The following LRGUK variants were observed in gnomAD, a reference collection of about 807,000 sequenced individuals.
LRGUK encodes the protein leucine-rich repeat and guanylate kinase domain-containing protein.
Under a neutral mutation model 76.0 loss-of-function variants are expected in LRGUK, and 65 were observed. The observed-to-expected ratio is 0.85, with a 90% CI of 0.70 to 1.05. The LOEUF (loss-of-function observed/expected upper bound fraction) is 1.05. Among genes scored for constraint, LRGUK ranks in the 50% least tolerant of loss-of-function variants. LRGUK has a pLI of 0.00. For synonymous variants in LRGUK, 268 were observed against 265.6 expected (o/e 1.01, Z -0.09); for missense variants, 758 against 732.8 (o/e 1.03, Z -0.40).
At chr7:134,135,197 T>G (rs56745331) in intron 1 of LRGUK, among the ~76,000 whole-genome samples, 1,577 of 152,224 alleles carry the variant, frequency 0.01, 30 homozygotes, top group African/African-American at 0.036. Flanking sequence ...GCAGGCCACT[T>G]AGGGGAAAGT....
intron 11 of LRGUK, among the ~76,000 whole-genome samples, chr7:134,189,200 A>T (rs1800097094): frequency 6.6e-6 from 1 of 152,212 alleles, no homozygotes. Flanking sequence ...TCCCATTACA[A>T]ACCATAATTT....
In LRGUK at chr7:134,249,871, T is replaced by G. The variant is rs150147474; in HGVS notation, c.2198+795T>G. On this transcript the variant is annotated intron_variant, in intron 18 of 19. Coordinates refer to the LRGUK transcript ENST00000285928. Reference sequence around the variant, plus strand: ...TCTCGCTGTAGGTCTTGAAAACAAATTTACACAAAGATCTGGCTGGTTGGG... The same window carrying G: ...TCTCGCTGTAGGTCTTGAAAACAAAGTTACACAAAGATCTGGCTGGTTGGG... Among the ~76,000 whole-genome samples, 186 of 152,280 alleles carry G rather than the reference T, an allele frequency of 1.2e-3. 1 individual carries two copies. Among genetic ancestry groups the G allele is most frequent in the African/African-American group, 4.3e-3 (179 of 41,558 alleles).
At chr7:134,198,162 G>A (rs1800592998) in intron 13 of LRGUK, among the ~76,000 whole-genome samples, 1 of 152,126 alleles carries the variant, frequency 6.6e-6, no homozygotes, top group South Asian at 2.1e-4. Flanking sequence ...ACTTCTCAGT[G>A]ATTAATTGGT....
Position 134,222,021 on chromosome 7 carries a change from T to C in LRGUK, c.1983+103T>C, listed in dbSNP as rs538643234. 3.4e-5 allele frequency: 39 copies of C among 1,133,888 alleles called. No homozygotes were observed. The East Asian group carries it at 1.2e-3, about 35-fold the overall frequency. 70.2% of individuals were successfully genotyped at this position (1,133,888 alleles called of 1,614,324 possible). ...AGACTAATAAGTTTCCCCAAAATTA[T>C]TCTCTCACTAGTGTCAGCTGAAGAC... is the stretch of plus-strand genomic sequence containing the variant. On this transcript the variant is annotated intron_variant, in intron 16 of 19. Coordinates refer to the LRGUK transcript ENST00000285928.
Position 134,163,295 on chromosome 7 carries a change from T to G in LRGUK, c.796-102T>G, listed in dbSNP as rs909428343. The G allele has an allele frequency of 4.7e-6, 5 of 1,069,776 alleles. No individual in the cohort carries two copies. The African/African-American group carries it at 6.2e-5, about 13-fold the overall frequency. The allele number at this position is 1,069,776 out of a possible 1,614,324, so 66.3% of individuals were successfully genotyped here. On this transcript the variant is annotated intron_variant, in intron 6 of 15. Transcript: ENST00000645682. Reference sequence around the variant, plus strand: ...GAAGGACAAGAATGCCTTCTTGATTTTTTTTAGAGAGATTTGGGTCAGTAT... The same window carrying G: ...GAAGGACAAGAATGCCTTCTTGATTGTTTTTAGAGAGATTTGGGTCAGTAT...
chr7:134,242,765 G>A (rs1802195730), intron 16 of LRGUK, among the ~76,000 whole-genome samples: 1 of 152,032 alleles, frequency 6.6e-6, no homozygotes, highest in African/African-American at 2.4e-5. Flanking sequence ...AGAGAATTTA[G>A]ACCAATATCC....
intron 14 of LRGUK, among the ~76,000 whole-genome samples, chr7:134,199,923 T>C (rs1427492906): frequency 2.1e-5 from 3 of 145,910 alleles, no homozygotes; most frequent in Non-Finnish European, 4.5e-5. Flanking sequence ...AAAATTTCTA[T>C]ATATATATGT....
intron 16 of LRGUK, 113 bp downstream of exon 16, chr7:134,222,031 AGT>A (rs757266181): frequency 2.8e-5 from 29 of 1,029,452 alleles, no homozygotes; most frequent in Admixed American, 7.5e-5. Context: ...TTCTCTCACT[AGT>A]GTCAGCTGAA....
chr7:134,151,204 G>A (rs954720013), intron 5 of LRGUK, among the ~76,000 whole-genome samples: 7 of 152,064 alleles, frequency 4.6e-5, no homozygotes, highest in African/African-American at 1.7e-4. Flanking sequence ...CTCTTGAGGA[G>A]AAGAAAAGCC....
At chr7:134,254,179 T>A (rs1173045376) in intron 18 of LRGUK, among the ~76,000 whole-genome samples, 1 of 152,228 alleles carries the variant, frequency 6.6e-6, no homozygotes, top group Non-Finnish European at 1.5e-5. Flanking sequence ...ACTGATTTTT[T>A]AAAATTATTT....
chr7:134,164,144 T>TG (rs1331416983), intron 7 of LRGUK, among the ~76,000 whole-genome samples: 2 of 152,232 alleles, frequency 1.3e-5, no homozygotes, highest in Non-Finnish European at 2.9e-5. Flanking sequence ...ACACATTTCT[T>TG]AAATAGCTAG....
At chr7:134,149,209 C>G (rs1798105890) in intron 5 of LRGUK, among the ~76,000 whole-genome samples, 1 of 151,866 alleles carries the variant, frequency 6.6e-6, no homozygotes, top group South Asian at 2.1e-4. Flanking sequence ...ACAGCGAGCT[C>G]CAACTTCTAG....
chr7:134,272,154 T>A, the LRGUK span, among the ~76,000 whole-genome samples: 1 of 152,166 alleles, frequency 6.6e-6, no homozygotes, highest in African/African-American at 2.4e-5. Flanking sequence ...TTTAGGTAGA[T>A]AAACTTCTTT....
downstream of LRGUK, among the ~76,000 whole-genome samples, chr7:134,266,858 T>C (rs1802865817): frequency 6.6e-6 from 1 of 152,122 alleles, no homozygotes; most frequent in East Asian, 1.9e-4. Flanking sequence ...ATAATCACAC[T>C]ACTGAAAACC....
At chr7:134,143,382 C>T (rs1797847287) in intron 4 of LRGUK, among the ~76,000 whole-genome samples, 2 of 152,142 alleles carry the variant, frequency 1.3e-5, no homozygotes, top group Non-Finnish European at 2.9e-5. Flanking sequence ...TTTGTTCAAA[C>T]CTAGTGTTCA....
At chr7:134,147,037 C>G (rs992027334) in intron 4 of LRGUK, among the ~76,000 whole-genome samples, 1 of 152,006 alleles carries the variant, frequency 6.6e-6, no homozygotes, top group Non-Finnish European at 1.5e-5. Context: ...CTAGGAACAA[C>G]AGAAGTTGCT....
At chr7:134,256,648 T>C (rs982793797) in intron 18 of LRGUK, among the ~76,000 whole-genome samples, 8 of 152,044 alleles carry the variant, frequency 5.3e-5, no homozygotes, top group Non-Finnish European at 8.8e-5. Flanking sequence ...CTGAGAGCAT[T>C]CTCCTTCCTC....
intron 15 of LRGUK, among the ~76,000 whole-genome samples, chr7:134,204,842 G>A (rs1800934464): frequency 2.6e-5 from 4 of 152,186 alleles, no homozygotes; most frequent in South Asian, 4.1e-4. Flanking sequence ...GATGTTTACA[G>A]GTTCAGTGCA....
intron 17 of LRGUK, among the ~76,000 whole-genome samples, chr7:134,247,855 A>AT (rs1802347333): frequency 6.6e-6 from 1 of 152,194 alleles, no homozygotes; most frequent in Non-Finnish European, 1.5e-5. Flanking sequence ...GAAACTGATG[A>AT]TTTTTTGAAG....
Sources: gnomAD v4.1 joint callset for allele counts (sites outside exome capture counted in the v4.1 genomes callset) on GRCh38, gnomAD v4.1.1 for gene constraint, MANE v1.5 for transcripts, NCBI Gene and HGNC (gene_info 2026-07-23, HGNC 2026-07-21) for gene names.